PSMD1: variants seen among roughly 807,000 people sequenced by gnomAD.
The protein encoded by PSMD1 is 26S proteasome non-ATPase regulatory subunit 1.
A neutral mutation model predicts 119.0 loss-of-function variants in PSMD1; 18 were observed. That is an observed-to-expected ratio of 0.15 (90% CI 0.10 to 0.22). The LOEUF is 0.22. Among genes scored for constraint, PSMD1 ranks in the 10% least tolerant of loss-of-function variants. PSMD1 has a pLI of 1.00. For synonymous variants in PSMD1, 374 were observed against 396.6 expected, an observed-to-expected ratio of 0.94 and a Z score of 0.68; for missense variants, 702 against 1,158.5, an observed-to-expected ratio of 0.61 and a Z score of 5.72.
intron 5 of PSMD1, 34 bp from the exon 6 acceptor site, chr2:231,069,991 A>G: frequency 5.3e-6 from 7 of 1,333,030 alleles, no homozygotes; most frequent in Non-Finnish European, 6.9e-6. Context: ...TGCAATAACC[A>G]GATAACGTTA....
chr2:231,108,726 T>C, intron 16 of PSMD1: 1 of 1,614,172 alleles, frequency 6.2e-7, no homozygotes, highest in Non-Finnish European at 8.5e-7. Flanking sequence ...TAGATCTTAC[T>C]GGAGCGTTTT....
In PSMD1 at chr2:231,062,686, T is replaced by C; in HGVS notation, c.304+11T>C. The C allele has an allele frequency of 1.3e-6, 2 of 1,577,828 alleles. No homozygotes were observed. The highest frequency in any genetic ancestry group is 1.4e-5 in the African/African-American group (1 of 73,586). The stretch of plus-strand genomic sequence containing the variant: ...TGGAAACTATTATAGGTAATTATCG[T>C]CTATCTGGTAAGGCTTTATCTTGTC... On this transcript the variant is annotated intron_variant, in intron 4 of 24. Coordinates refer to ENST00000308696, the MANE Select transcript of PSMD1 (RefSeq NM_002807.4).
At chr2:231,075,390 T>C (rs1408480558) in intron 7 of PSMD1, 121 bp from the exon 8 acceptor site, 6 of 788,258 alleles carry the variant, frequency 7.6e-6, no homozygotes, top group African/African-American at 3.6e-5. Context: ...TATTTCTTAA[T>C]GGTAATACTT....
intron 17 of PSMD1, among the ~76,000 whole-genome samples, chr2:231,145,411 A>T (rs1696229813): frequency 1.3e-5 from 2 of 152,230 alleles, no homozygotes; most frequent in Admixed American, 1.3e-4. Context: ...TGGGTGAGTC[A>T]GTGAGTGAGT....
At chr2:231,094,701 C>T (rs1442143294) in intron 16 of PSMD1, among the ~76,000 whole-genome samples, 1 of 152,096 alleles carries the variant, frequency 6.6e-6, no homozygotes, top group Non-Finnish European at 1.5e-5. Flanking sequence ...AGCATTAAAG[C>T]GTTGGGTATG....
At chr2:231,093,871 C>G (rs1438223994) in intron 16 of PSMD1, among the ~76,000 whole-genome samples, 2 of 151,866 alleles carry the variant, frequency 1.3e-5, no homozygotes, top group Non-Finnish European at 2.9e-5. Flanking sequence ...CCACGTGTGA[C>G]AAAATTGTTG....
At chr2:231,138,205 T>C (rs1057076978) in intron 16 of PSMD1, among the ~76,000 whole-genome samples, 4 of 152,236 alleles carry the variant, frequency 2.6e-5, no homozygotes, top group African/African-American at 7.2e-5. Flanking sequence ...TTTCTCTTCT[T>C]ACCAACACAA....
intron 4 of PSMD1, among the ~76,000 whole-genome samples, chr2:231,065,196 A>C (rs1574703090): frequency 6.6e-6 from 1 of 151,802 alleles, no homozygotes; most frequent in Middle Eastern, 3.4e-3. Context: ...TGAAAGGGAA[A>C]GAAACAAGCC....
intron 18 of PSMD1, among the ~76,000 whole-genome samples, chr2:231,149,080 C>A (rs1365433054): frequency 6.6e-6 from 1 of 152,182 alleles, no homozygotes. Context: ...ATGGAAATTC[C>A]CAAAGGAAAT....
At chr2:231,169,096 A>G (rs575200728) in intron 23 of PSMD1, among the ~76,000 whole-genome samples, 3 of 152,186 alleles carry the variant, frequency 2.0e-5, no homozygotes, top group Non-Finnish European at 2.9e-5. Flanking sequence ...AACCTAGACC[A>G]TGTATAGCTA....
intron 16 of PSMD1, among the ~76,000 whole-genome samples, chr2:231,087,916 C>T (rs1426791534): frequency 5.3e-5 from 8 of 151,538 alleles, no homozygotes; most frequent in East Asian, 1.9e-4. Context: ...GAGCCGAGAT[C>T]GCGCCACTGC....
At chr2:231,137,544 T>C (rs1439294833) in intron 16 of PSMD1, among the ~76,000 whole-genome samples, 1 of 152,032 alleles carries the variant, frequency 6.6e-6, no homozygotes, top group Non-Finnish European at 1.5e-5. Context: ...TTCTTTTTTT[T>C]GTAATTTCAA....
In PSMD1 at chr2:231,094,648, C is replaced by T. The variant is rs188684722; in HGVS notation, c.1883+7467C>T. Reference sequence around the variant, plus strand: ...GAGTAAGGGAATTATGTGGTTTCTACCAAATTGCCACTTTTCCATTTTTAC... The same window carrying T: ...GAGTAAGGGAATTATGTGGTTTCTATCAAATTGCCACTTTTCCATTTTTAC... On this transcript the variant is annotated intron_variant, in intron 16 of 24. Coordinates refer to ENST00000308696, the MANE Select transcript of PSMD1 (RefSeq NM_002807.4). Among the ~76,000 whole-genome samples the T allele has an allele frequency of 1.9e-3, 288 of 152,220 alleles. 3 individuals carry two copies. The highest frequency in any genetic ancestry group is 4.9e-4 in the Non-Finnish European group (33 of 68,026).
chr2:231,061,161 G>A (rs900937865), intron 1 of PSMD1, 106 bp from the exon 2 acceptor site: 17 of 728,394 alleles, frequency 2.3e-5, no homozygotes, highest in South Asian at 1.1e-4. Context: ...GAGAAGTTAC[G>A]CCTCAAAAAA....
intron 16 of PSMD1, among the ~76,000 whole-genome samples, chr2:231,115,089 G>A (rs968615223): frequency 2.0e-5 from 3 of 151,450 alleles, no homozygotes; most frequent in Admixed American, 6.6e-5. Flanking sequence ...AGGAAAACCA[G>A]AATAATCATC....
intron 16 of PSMD1, among the ~76,000 whole-genome samples, chr2:231,105,835 C>T (rs562441928): frequency 6.6e-6 from 1 of 152,200 alleles, no homozygotes; most frequent in South Asian, 2.1e-4. Flanking sequence ...CTTTACATCT[C>T]CATTCACAAT....
At chr2:231,095,188 T>G (rs1694695053) in intron 16 of PSMD1, among the ~76,000 whole-genome samples, 1 of 152,134 alleles carries the variant, frequency 6.6e-6, no homozygotes, top group Non-Finnish European at 1.5e-5. Context: ...CCTGGGAGAG[T>G]CTGGGGCTGT....
At chr2:231,059,216 AT>A (rs1693696332) in intron 1 of PSMD1, among the ~76,000 whole-genome samples, 1 of 152,206 alleles carries the variant, frequency 6.6e-6, no homozygotes, top group African/African-American at 2.4e-5. Context: ...TGATGATCAT[AT>A]AGTGTATATT....
intron 16 of PSMD1, among the ~76,000 whole-genome samples, chr2:231,097,641 T>C (rs1000601984): frequency 1.3e-5 from 2 of 152,214 alleles, no homozygotes; most frequent in Non-Finnish European, 2.9e-5. Flanking sequence ...TCTACATTTT[T>C]ATTGTCACCC....
Sources: allele counts gnomAD v4.1 joint callset (sites outside exome capture counted in the v4.1 genomes callset), GRCh38; gene constraint gnomAD v4.1.1; transcripts MANE v1.5; gene names NCBI Gene and HGNC (gene_info 2026-07-23, HGNC 2026-07-21).